Variants in PLCB4 observed in about 807,000 individuals in gnomAD.
PLCB4 encodes phospholipase C beta 4, also known as 1-phosphatidylinositol 4,5-bisphosphate phosphodiesterase beta-4.
Under a neutral mutation model 178.8 loss-of-function variants are expected in PLCB4, and 77 were observed. The observed-to-expected ratio is 0.43, with a 90% confidence interval of 0.36 to 0.52. The LOEUF (loss-of-function observed/expected upper bound fraction) is 0.52, where lower values mean the gene tolerates loss of function less well. PLCB4 is among the 20% of genes least tolerant of loss of function. The probability of loss-of-function intolerance (pLI) is 0.00; values close to 1 mark genes in which losing one functional copy is unlikely to be tolerated. For synonymous variants in PLCB4, 496 were observed against 490.8 expected, an observed-to-expected ratio of 1.01 and a Z score of -0.14; for missense variants, 1,024 against 1,453.4, an observed-to-expected ratio of 0.70 and a Z score of 4.80.
At chr20:9,332,487 A>G (rs1367157276) in intron 4 of PLCB4, among the ~76,000 whole-genome samples, 1 of 152,080 alleles carries the variant, frequency 6.6e-6, no homozygotes, top group African/African-American at 2.4e-5. Flanking sequence ...GTGAATTTTC[A>G]TGGGTGGTTT....
At position 9,428,935 on chromosome 20, in the gene PLCB4, C is replaced by T. The variant is rs189903282; in HGVS notation, c.2524+4983C>T. Among the ~76,000 whole-genome samples, 228 of 152,182 alleles carry T rather than the reference C, an allele frequency of 1.5e-3. 1 individual carries two copies. The highest frequency in any genetic ancestry group is 2.4e-3 in the Non-Finnish European group (163 of 68,004). On this transcript the variant is annotated intron_variant, in intron 28 of 39. Coordinates refer to ENST00000378473, the MANE Select transcript of PLCB4 (RefSeq NM_001377142.1). The stretch of plus-strand genomic sequence containing the variant: ...ATCTTCATTTCCATTCTTAGAGACA[C>T]CTACATTGATGCTTTCAACTCTATA...
intron 3 of PLCB4, among the ~76,000 whole-genome samples, chr20:9,225,464 T>C (rs2093852078): frequency 6.6e-6 from 1 of 152,220 alleles, no homozygotes; most frequent in Non-Finnish European, 1.5e-5. Flanking sequence ...CAGTCGAGTC[T>C]AGAAAAATAG....
chr20:9,332,802 C>T (rs2031884088), intron 4 of PLCB4, among the ~76,000 whole-genome samples: 1 of 152,162 alleles, frequency 6.6e-6, no homozygotes, highest in Non-Finnish European at 1.5e-5. Context: ...TTACTCTGGC[C>T]TTAGTTTACT....
intron 3 of PLCB4, among the ~76,000 whole-genome samples, chr20:9,274,111 T>A (rs1489550480): frequency 2.0e-5 from 3 of 151,976 alleles, no homozygotes; most frequent in African/African-American, 7.2e-5. Context: ...TTAGAGTATT[T>A]CAAAGAAAAA....
chr20:9,194,655 T>C (rs1279091537), intron 2 of PLCB4, among the ~76,000 whole-genome samples: 4 of 131,698 alleles, frequency 3.0e-5, no homozygotes, highest in East Asian at 2.2e-4. Context: ...ATTGCGCCAC[T>C]GCACTCCAGC....
At chr20:9,076,493 A>G (rs956857573) in intron 1 of PLCB4, among the ~76,000 whole-genome samples, 3 of 152,114 alleles carry the variant, frequency 2.0e-5, no homozygotes, top group African/African-American at 7.2e-5. Context: ...AATAAAAAAT[A>G]ACACCCAAGT....
chr20:9,376,420 A>C (rs2036677905), intron 12 of PLCB4, among the ~76,000 whole-genome samples: 1 of 152,174 alleles, frequency 6.6e-6, no homozygotes, highest in Non-Finnish European at 1.5e-5. Flanking sequence ...CTCCATTAAG[A>C]ATTTAGCCAT....
At chr20:9,293,739 C>A (rs1286409703) in intron 3 of PLCB4, among the ~76,000 whole-genome samples, 1 of 152,112 alleles carries the variant, frequency 6.6e-6, no homozygotes, top group Non-Finnish European at 1.5e-5. Context: ...TACAGATAAA[C>A]AAATAGCTGT....
intron 2 of PLCB4, among the ~76,000 whole-genome samples, chr20:9,134,539 A>AGT (rs1381574500): frequency 6.6e-6 from 1 of 152,036 alleles, no homozygotes; most frequent in Non-Finnish European, 1.5e-5. Flanking sequence ...TGTTGGTGGA[A>AGT]GTTGGAAGGA....
intron 3 of PLCB4, among the ~76,000 whole-genome samples, chr20:9,233,578 G>A (rs1024692324): frequency 6.6e-6 from 1 of 152,118 alleles, no homozygotes; most frequent in African/African-American, 2.4e-5. Context: ...GTACTATGAA[G>A]GTAATGTTTG....
intron 3 of PLCB4, among the ~76,000 whole-genome samples, chr20:9,306,422 T>A (rs1031967156): frequency 6.6e-6 from 1 of 151,888 alleles, no homozygotes; most frequent in Non-Finnish European, 1.5e-5. Flanking sequence ...GGCGTGGTGT[T>A]GCATTTTTAA....
intron 3 of PLCB4, among the ~76,000 whole-genome samples, chr20:9,279,272 T>C (rs1490543775): frequency 1.3e-5 from 2 of 152,022 alleles, no homozygotes; most frequent in Non-Finnish European, 2.9e-5. Flanking sequence ...TTATGCAGAG[T>C]GTAAAAGTTG....
At chr20:9,185,810 C>T (rs2093321378) in intron 2 of PLCB4, among the ~76,000 whole-genome samples, 1 of 152,168 alleles carries the variant, frequency 6.6e-6, no homozygotes, top group South Asian at 2.1e-4. Context: ...GCTGCTTCCT[C>T]TCCCAGTAAT....
chr20:9,197,916 A>G (rs2093492544), intron 2 of PLCB4, among the ~76,000 whole-genome samples: 1 of 152,226 alleles, frequency 6.6e-6, no homozygotes, highest in Non-Finnish European at 1.5e-5. Context: ...CAGAGGTTGC[A>G]GTGAGCCGAG....
chr20:9,234,213 A>G (rs187596228), intron 3 of PLCB4, among the ~76,000 whole-genome samples: 2 of 152,276 alleles, frequency 1.3e-5, no homozygotes, highest in Admixed American at 1.3e-4. Flanking sequence ...AAAAATATGG[A>G]TAAAAAATCA....
chr20:9,344,321 C>T (rs1389499408), intron 7 of PLCB4, among the ~76,000 whole-genome samples: 1 of 152,194 alleles, frequency 6.6e-6, no homozygotes, highest in Non-Finnish European at 1.5e-5. Flanking sequence ...CCCATTTCAC[C>T]AGCCTTCGGC....
Position 9,251,445 on chromosome 20 carries a change from C to T in PLCB4, c.-16+33993C>T, listed in dbSNP as rs1569020597. ...AACCATAAGAACAATTATTTTTTAT[C>T]TAACAAGAAATACTGAGGTGAAGCG... On this transcript the variant is annotated intron_variant, in intron 3 of 39. Transcript: ENST00000378473. Among the ~76,000 whole-genome samples, 3 of 152,130 alleles carry T rather than the reference C, an allele frequency of 2.0e-5. No individual in the cohort carries two copies. The South Asian group carries it at 6.2e-4, about 32-fold the overall frequency.
chr20:9,287,085 A>G (rs1433621796), intron 3 of PLCB4, among the ~76,000 whole-genome samples: 1 of 152,010 alleles, frequency 6.6e-6, no homozygotes, highest in Non-Finnish European at 1.5e-5. Flanking sequence ...TTTGTTAACA[A>G]TGTACATTTT....
chr20:9,265,995 T>A (rs752693389), intron 3 of PLCB4, among the ~76,000 whole-genome samples: 1 of 152,126 alleles, frequency 6.6e-6, no homozygotes, highest in Non-Finnish European at 1.5e-5. Context: ...AAATAGTACT[T>A]GGAAAAAAGA....
Sources: gnomAD v4.1 joint callset for allele counts (sites outside exome capture counted in the v4.1 genomes callset) on GRCh38, gnomAD v4.1.1 for gene constraint, MANE v1.5 for transcripts, NCBI Gene and HGNC (gene_info 2026-07-23, HGNC 2026-07-21) for gene names.